THSD4: variants seen among roughly 807,000 people sequenced by gnomAD.
The protein encoded by THSD4 is thrombospondin type 1 domain containing 4.
Under a neutral mutation model 119.0 loss-of-function variants are expected in THSD4, and 69 were observed. The ratio of observed to expected loss-of-function variants is 0.58; its 90% confidence interval spans 0.48 to 0.71. THSD4 has a LOEUF of 0.71. THSD4 is among the 30% of genes least tolerant of loss of function. The pLI, the probability that THSD4 is intolerant of heterozygous loss-of-function variation, is 0.00. For missense variants in THSD4, 1,393 were observed against 1,391.1 expected, an observed-to-expected ratio of 1.00 and a Z score of -0.02; for synonymous variants, 524 against 540.4, an observed-to-expected ratio of 0.97 and a Z score of 0.42.
chr15:71,343,962 C>T (rs1052782526), intron 6 of THSD4, among the ~76,000 whole-genome samples: 7 of 151,858 alleles, frequency 4.6e-5, no homozygotes, highest in Non-Finnish European at 7.4e-5. Flanking sequence ...AATCAGCCCA[C>T]CTCACCCTCC....
intron 7 of THSD4, among the ~76,000 whole-genome samples, chr15:71,563,465 G>A (rs2049166561): frequency 6.6e-6 from 1 of 152,192 alleles, no homozygotes; most frequent in Non-Finnish European, 1.5e-5. Flanking sequence ...GGATAGTCAG[G>A]TAAAGGCGGC....
chr15:71,376,393 A>G (rs2140443941), intron 6 of THSD4, among the ~76,000 whole-genome samples: 1 of 152,242 alleles, frequency 6.6e-6, no homozygotes, highest in East Asian at 1.9e-4. Flanking sequence ...TGAGTCTCCC[A>G]CACCAGTCCC....
intron 7 of THSD4, among the ~76,000 whole-genome samples, chr15:71,443,446 A>AT (rs2047137168): frequency 7.5e-6 from 1 of 133,992 alleles, no homozygotes; most frequent in Non-Finnish European, 1.6e-5. Context: ...CTCTCTCTCT[A>AT]TGTATATATG....
intron 3 of THSD4, among the ~76,000 whole-genome samples, chr15:71,180,842 A>T (rs1040649823): frequency 6.6e-6 from 1 of 152,182 alleles, no homozygotes; most frequent in African/African-American, 2.4e-5. Flanking sequence ...AGTCTTGAGC[A>T]GGGTTGGGAT....
intron 8 of THSD4, among the ~76,000 whole-genome samples, 186 bp downstream of exon 8, chr15:71,660,920 A>T (rs2140996745): frequency 6.6e-6 from 1 of 152,364 alleles, no homozygotes; most frequent in South Asian, 2.1e-4. Flanking sequence ...AACGTTAAAA[A>T]AAAAGTCCTT....
At chr15:71,155,031 A>G in intron 3 of THSD4, 99 bp downstream of exon 3, 1 of 1,110,996 alleles carries the variant, frequency 9.0e-7, no homozygotes, top group East Asian at 2.4e-5. Context: ...GTGAGTCACC[A>G]CTGATCCTGA....
intron 8 of THSD4, among the ~76,000 whole-genome samples, chr15:71,719,952 A>G (rs2052683186): frequency 6.7e-6 from 1 of 150,078 alleles, no homozygotes; most frequent in Non-Finnish European, 1.5e-5. Context: ...CTGGGATTAC[A>G]GGCATGAGCC....
chr15:71,618,879 C>T (rs2050370084), intron 7 of THSD4, among the ~76,000 whole-genome samples: 1 of 151,838 alleles, frequency 6.6e-6, no homozygotes, highest in Admixed American at 6.6e-5. Context: ...TGCACAGCCT[C>T]TTCAACATTA....
intron 6 of THSD4, among the ~76,000 whole-genome samples, chr15:71,334,887 G>T (rs191580283): frequency 6.6e-6 from 1 of 152,180 alleles, no homozygotes; most frequent in African/African-American, 2.4e-5. Context: ...GGGGGAATCC[G>T]TTACAAAATC....
chr15:71,230,248 G>A (rs2140263483), intron 4 of THSD4, among the ~76,000 whole-genome samples: 1 of 152,286 alleles, frequency 6.6e-6, no homozygotes, highest in Non-Finnish European at 1.5e-5. Context: ...GGGCCACACA[G>A]GTTCAGATTA....
intron 3 of THSD4, among the ~76,000 whole-genome samples, chr15:71,158,303 G>A (rs2040801125): frequency 1.3e-5 from 2 of 151,798 alleles, no homozygotes; most frequent in African/African-American, 2.4e-5. Flanking sequence ...ACAGGCATGC[G>A]CCACCATATC....
intron 6 of THSD4, among the ~76,000 whole-genome samples, chr15:71,318,569 C>T (rs1208090670): frequency 6.6e-6 from 1 of 152,132 alleles, no homozygotes; most frequent in African/African-American, 2.4e-5. Flanking sequence ...GGTTTGGCCA[C>T]AGTCATTGAT....
chr15:71,372,698 C>A (rs2046072403), intron 6 of THSD4, among the ~76,000 whole-genome samples: 1 of 152,252 alleles, frequency 6.6e-6, no homozygotes, highest in Non-Finnish European at 1.5e-5. Context: ...CCGGGGGGTG[C>A]CTCCCAGTTA....
chr15:71,454,600 A>G (rs2047311708), intron 7 of THSD4, among the ~76,000 whole-genome samples: 1 of 152,254 alleles, frequency 6.6e-6, no homozygotes, highest in South Asian at 2.1e-4. Flanking sequence ...AATCTGGTTC[A>G]TATTATGGCA....
chr15:71,608,259 C>CAT, intron 7 of THSD4, among the ~76,000 whole-genome samples: 1 of 126,256 alleles, frequency 7.9e-6, no homozygotes, highest in Non-Finnish European at 1.8e-5. Flanking sequence ...TACACACACA[C>CAT]ACACACACAC....
At chr15:71,281,451 T>C (rs940075248) in intron 6 of THSD4, among the ~76,000 whole-genome samples, 1 of 152,318 alleles carries the variant, frequency 6.6e-6, no homozygotes, top group African/African-American at 2.4e-5. Flanking sequence ...ATTCTTGTAT[T>C]TGTGGATCTG....
At chr15:71,348,569 C>T (rs558189792) in intron 6 of THSD4, 2 of 152,344 alleles carry the variant, frequency 1.3e-5, no homozygotes, top group Non-Finnish European at 2.9e-5. Flanking sequence ...CAGCTCAGAG[C>T]TTAGCTCTTA....
intron 2 of THSD4, among the ~76,000 whole-genome samples, 184 bp downstream of exon 2, chr15:71,141,740 G>A (rs1288978323): frequency 6.6e-6 from 1 of 152,220 alleles, no homozygotes; most frequent in African/African-American, 2.4e-5. Flanking sequence ...TGGGAGCTGT[G>A]TGCTGTGCTG....
At chr15:71,498,677 G>A (rs1221637889) in intron 7 of THSD4, among the ~76,000 whole-genome samples, 4 of 151,842 alleles carry the variant, frequency 2.6e-5, no homozygotes, top group Admixed American at 1.3e-4. Context: ...CCTGCACACG[G>A]CAACCAAGTT....
Sources: allele counts gnomAD v4.1 joint callset (sites outside exome capture counted in the v4.1 genomes callset), GRCh38; gene constraint gnomAD v4.1.1; transcripts MANE v1.5; gene names NCBI Gene and HGNC (gene_info 2026-07-23, HGNC 2026-07-21).